The following MLF1 variants were observed in gnomAD, a reference collection of about 807,000 sequenced individuals.
The protein encoded by MLF1 is myelodysplasia-myeloid leukemia factor 1.
Under a neutral mutation model 38.3 loss-of-function variants are expected in MLF1, and 37 were observed. That is an observed-to-expected ratio of 0.96 (90% CI 0.74 to 1.27). The LOEUF (loss-of-function observed/expected upper bound fraction) is 1.27. Among genes scored for constraint, MLF1 ranks in the 50% most tolerant of loss-of-function variants. The pLI, the probability that MLF1 is intolerant of heterozygous loss-of-function variation, is 0.00. For missense variants in MLF1, 331 were observed against 349.2 expected, an observed-to-expected ratio of 0.95 and a Z score of 0.42; for synonymous variants, 95 against 106.5, an observed-to-expected ratio of 0.89 and a Z score of 0.66.
At chr3:158,589,011 AC>A (rs1339787300) in intron 1 of MLF1, 5 of 423,354 alleles carry the variant, frequency 1.2e-5, no homozygotes, top group Non-Finnish European at 2.4e-5. Flanking sequence ...ATCCAAAGTC[AC>A]TAAGGAGGAA....
chr3:158,578,380 AGTGTGTGT>A (rs113149645), intron 1 of MLF1, among the ~76,000 whole-genome samples: 9 of 149,380 alleles, frequency 6.0e-5, no homozygotes, highest in Non-Finnish European at 1.2e-4. Context: ...AGGCAAAATA[AGTGTGTGT>A]GTGTGTGTGT....
At chr3:158,580,581 A>C (rs546124441) in intron 1 of MLF1, among the ~76,000 whole-genome samples, 1 of 152,138 alleles carries the variant, frequency 6.6e-6, no homozygotes, top group Non-Finnish European at 1.5e-5. Context: ...TCAAACTTTT[A>C]ACAGGTAGGA....
At position 158,605,127 on chromosome 3, in the gene MLF1, A is replaced by G; in HGVS notation, c.777A>G (p.Glu259=). The change falls in exon 8 of 8, where the codon GAA becomes GAG. Residue 259 remains glutamate (E), a synonymous_variant. Coordinates refer to ENST00000466246, the MANE Select transcript of MLF1 (RefSeq NM_001369783.1). ...AACCTCAACAAAGTCCAGCCATTGA[A>G]CATGGAAGGAGATCAAATGTTTTGG... is the stretch of plus-strand genomic sequence containing the variant. ...REKPQQSPAI[E]HGRRSNVLGD... 1 of 1,613,776 alleles carries G rather than the reference A, an allele frequency of 6.2e-7. No homozygotes were observed. Among genetic ancestry groups the G allele is most frequent in the Non-Finnish European group, 8.5e-7 (1 of 1,179,820 alleles).
At chr3:158,594,287 A>G (rs575110815) in intron 3 of MLF1, among the ~76,000 whole-genome samples, 1 of 152,258 alleles carries the variant, frequency 6.6e-6, no homozygotes. Context: ...TTTAAGGATT[A>G]GTAGAAGTTA....
In MLF1 at chr3:158,593,533, G is replaced by T. The variant is rs1206164282; in HGVS notation, c.240+107G>T. On this transcript the variant is annotated intron_variant, in intron 3 of 7. Transcript: ENST00000466246. ...GGCATGCAGCCTCACTTCCATAATG[G>T]CTTTTTAATGTTTGTACTGAAAACC... 5 of 817,270 alleles carry T rather than the reference G, an allele frequency of 6.1e-6. No homozygotes were observed. In the Admixed American group the frequency reaches 1.4e-4, roughly 23 times the overall value. 50.6% of individuals were successfully genotyped at this position (817,270 alleles called of 1,614,324 possible).
At chr3:158,577,062 G>A (rs895034588) in intron 1 of MLF1, among the ~76,000 whole-genome samples, 1 of 151,906 alleles carries the variant, frequency 6.6e-6, no homozygotes, top group South Asian at 2.1e-4. Context: ...ACCAGTATTT[G>A]GTTAAAGTAC....
At chr3:158,586,279 A>AT (rs1025131576) in intron 1 of MLF1, among the ~76,000 whole-genome samples, 3 of 151,970 alleles carry the variant, frequency 2.0e-5, no homozygotes, top group South Asian at 2.1e-4. Context: ...AAATATATAT[A>AT]AAAAAACCAT....
At chr3:158,572,279 G>T (rs1714570509) in intron 1 of MLF1, among the ~76,000 whole-genome samples, 1 of 134,918 alleles carries the variant, frequency 7.4e-6, no homozygotes, top group African/African-American at 2.8e-5. Flanking sequence ...CGTGAGGTGG[G>T]GGGACGGTTT....
intron 5 of MLF1, 93 bp downstream of exon 5, chr3:158,598,301 ACAAG>A: frequency 8.2e-7 from 1 of 1,223,332 alleles, no homozygotes; most frequent in Non-Finnish European, 1.1e-6. Context: ...TTAATCTGGT[ACAAG>A]ATGGTGGGGG....
Position 158,571,262 on chromosome 3 carries a change from A to T in MLF1, c.-39A>T. ...CGCGGCGAGTTAACATCGTTTTTCC[A>T]ATCTGTCCGCGGCTGCCGCCACCCA... On this transcript the variant is annotated 5_prime_UTR_variant, in exon 1 of 8. Transcript: ENST00000466246. The T allele has an allele frequency of 6.5e-7, 1 of 1,537,344 alleles. No individual in the cohort carries two copies. The highest frequency in any genetic ancestry group is 9.0e-7 in the Non-Finnish European group (1 of 1,113,254).
At chr3:158,578,505 A>ACAAAC (rs1560096531) in intron 1 of MLF1, among the ~76,000 whole-genome samples, 3 of 147,284 alleles carry the variant, frequency 2.0e-5, no homozygotes, top group African/African-American at 7.4e-5. Context: ...CATACATACA[A>ACAAAC]ACACACACAC....
intron 6 of MLF1, among the ~76,000 whole-genome samples, chr3:158,601,970 C>T (rs2108655072): frequency 6.6e-6 from 1 of 151,948 alleles, no homozygotes; most frequent in East Asian, 2.0e-4. Context: ...GTGCCCGCCA[C>T]CATGCCTGGC....
intron 1 of MLF1, among the ~76,000 whole-genome samples, chr3:158,586,509 A>G (rs751399675): frequency 7.2e-5 from 11 of 152,254 alleles, no homozygotes; most frequent in Admixed American, 1.3e-4. Flanking sequence ...TCAAATTACT[A>G]GATGTTAGAA....
At chr3:158,605,010 T>C in intron 7 of MLF1, 87 bp from the exon 8 acceptor site, 3 of 980,954 alleles carry the variant, frequency 3.1e-6, no homozygotes, top group Non-Finnish European at 4.5e-6. Context: ...TTTCTTATAT[T>C]ACAGTGGTTT....
intron 1 of MLF1, among the ~76,000 whole-genome samples, chr3:158,584,742 C>CT (rs1716965561): frequency 6.6e-6 from 1 of 150,428 alleles, no homozygotes; most frequent in African/African-American, 2.5e-5. Flanking sequence ...AATAGAAAGT[C>CT]TAACAGGGAT....
intron 1 of MLF1, among the ~76,000 whole-genome samples, chr3:158,579,257 A>C (rs1290063367): frequency 6.6e-6 from 1 of 151,734 alleles, no homozygotes; most frequent in Non-Finnish European, 1.5e-5. Context: ...AATTTTAAAA[A>C]TATTAAAACA....
intron 4 of MLF1, among the ~76,000 whole-genome samples, chr3:158,597,548 A>G (rs1719066189): frequency 6.6e-6 from 1 of 152,174 alleles, no homozygotes; most frequent in African/African-American, 2.4e-5. Context: ...AAGACCCATA[A>G]CATTCTAGTC....
At position 158,571,308 on chromosome 3, in the gene MLF1, G is replaced by A; in HGVS notation, c.8G>A (p.Arg3Lys). Residue 3 changes from arginine to lysine, a missense_variant, in exon 1 of 8, where the codon AGG (arginine) becomes AAG (lysine). Physicochemically the swap from Arg to Lys is conservative, Grantham distance 26. Transcript: ENST00000466246. ...ACCCAAGACAGAGCCAGAATGTTCA[G>A]GATGCTGAACAGCAGTTTTGAGGAT... is the stretch of plus-strand genomic sequence containing the variant. The part of the protein sequence containing the change: MF[R>K]MLNSSFEDDP... The A allele has an allele frequency of 1.2e-6, 2 of 1,612,796 alleles. No individual in the cohort carries two copies. The highest frequency in any genetic ancestry group is 1.7e-5 in the Admixed American group (1 of 59,984).
In MLF1 at chr3:158,579,567, C is replaced by A. The variant is rs191515198; in HGVS notation, c.47+8220C>A. On this transcript the variant is annotated intron_variant, in intron 1 of 7. Transcript: ENST00000466246. ...ATATTCAAATAAACATTTAAATATT[C>A]CCCTACTTCTATATAAAGAAAGAAA... Among the ~76,000 whole-genome samples the A allele has an allele frequency of 1.4e-3, 216 of 152,190 alleles. 2 individuals are homozygous for A. The highest frequency in any genetic ancestry group is 4.9e-3 in the African/African-American group (204 of 41,508).
Sources: allele counts gnomAD v4.1 joint callset (sites outside exome capture counted in the v4.1 genomes callset), GRCh38; gene constraint gnomAD v4.1.1; transcripts MANE v1.5; gene names NCBI Gene and HGNC (gene_info 2026-07-23, HGNC 2026-07-21).